The following MAP3K10 variants were observed in gnomAD, a reference collection of about 807,000 sequenced individuals.
The protein encoded by MAP3K10 is mitogen-activated protein kinase kinase kinase 10.
Under a neutral mutation model 75.0 loss-of-function variants are expected in MAP3K10, and 22 were observed. The ratio of observed to expected loss-of-function variants is 0.29; its 90% CI spans 0.21 to 0.42. The LOEUF is 0.42. Ranked by LOEUF, MAP3K10 falls within the 10% of genes least tolerant of loss-of-function variation. The pLI, the probability that MAP3K10 is intolerant of heterozygous loss-of-function variation, is 1.00. For missense variants in MAP3K10, 1,165 were observed against 1,379.8 expected (o/e 0.84, Z 2.47); for synonymous variants, 599 against 612.9 (o/e 0.98, Z 0.34).
Position 40,215,105 on chromosome 19 carries a change from G to A in MAP3K10, c.2678G>A (p.Arg893His), listed in dbSNP as rs1462440579. 6 of 1,609,308 alleles carry A rather than the reference G, an allele frequency of 3.7e-6. No individual in the cohort carries two copies. In the African/African-American group the frequency reaches 4.0e-5, roughly 11 times the overall value. The change falls in exon 10 of 10, where the codon CGC (arginine) becomes CAC (histidine). Residue 893 changes from arginine to histidine, a missense_variant. Physicochemically the swap from Arg to His is conservative, Grantham distance 29. Coordinates refer to ENST00000253055, the MANE Select transcript of MAP3K10 (RefSeq NM_002446.4). ...CCGAGACCTCGGCCGGCTGCCAGTC[G>A]CCCCCGCTTGGACCCCTGGAAACTG... ...FAPRPRPAAS[R>H]PRLDPWKLVS...
chr19:40,215,299 C>G lies in MAP3K10; in HGVS notation c.*7C>G. 6.5e-7 allele frequency: 1 copy of G among 1,536,250 alleles called. No individual in the cohort carries two copies. Among genetic ancestry groups the G allele is most frequent in the South Asian group, 1.2e-5 (1 of 83,394 alleles). On this transcript the variant is annotated 3_prime_UTR_variant, in exon 10 of 10. Coordinates refer to ENST00000253055, the MANE Select transcript of MAP3K10 (RefSeq NM_002446.4). ...GGCCCACGGCTCCCACTAAGGCCTG[C>G]CCACCACCGCCCGCCTGGGCAGCCA...
intron 1 of MAP3K10, among the ~76,000 whole-genome samples, chr19:40,195,047 A>G (rs1430523096): frequency 6.6e-6 from 1 of 152,200 alleles, no homozygotes; most frequent in African/African-American, 2.4e-5. Context: ...ACAGTGGGGC[A>G]CATGCCCTGA....
In MAP3K10 at chr19:40,198,398, A is replaced by G. The variant is rs901919875; in HGVS notation, c.706A>G (p.Asn236Asp). ...AGTCCTGATCCTGGAGGCCATCGAGAACCACAACCTCGCAGACACGGTGCT... is the reference window on the plus strand; with the variant it reads ...AGTCCTGATCCTGGAGGCCATCGAGGACCACAACCTCGCAGACACGGTGCT... ...INILILEAIE[N>D]HNLADTVLKI... is the part of the protein sequence containing the mutation. Residue 236 changes from asparagine to aspartate, a missense_variant, in exon 2 of 10, where the codon AAC becomes GAC. Asn to Asp is a conservative substitution (Grantham distance 23, BLOSUM62 1). Around this residue, in one of 2 missense-constraint regions of MAP3K10, gnomAD observed 575 missense variants for 793.2 expected, o/e 0.72. Coordinates refer to ENST00000253055, the MANE Select transcript of MAP3K10 (RefSeq NM_002446.4). The surrounding 1 kb of genome is among the most constrained non-coding windows in gnomAD (Gnocchi z 4.3). 4 of 1,613,734 alleles carry G rather than the reference A, an allele frequency of 2.5e-6. No individual in the cohort carries two copies. The highest frequency in any genetic ancestry group is 2.5e-6 in the Non-Finnish European group (3 of 1,179,880).
intron 9 of MAP3K10, 36 bp downstream of exon 9, chr19:40,214,257 C>G (rs781150414): frequency 2.2e-6 from 3 of 1,364,296 alleles, no homozygotes; most frequent in Admixed American, 3.8e-5. Flanking sequence ...TCACAGAAAA[C>G]CCCTTCTTTC....
chr19:40,192,147 G>C lies in MAP3K10; in HGVS notation c.116G>C (p.Arg39Thr). Residue 39 changes from arginine (R) to threonine (T), a missense_variant, in exon 1 of 10, where the codon AGG becomes ACG. Arg to Thr is a moderately conservative substitution (Grantham distance 71). Around this residue, in one of 2 missense-constraint regions of MAP3K10, gnomAD observed 575 missense variants for 793.2 expected, o/e 0.72. Transcript: ENST00000253055. The surrounding 1 kb of genome is among the most constrained non-coding windows in gnomAD (Gnocchi z 7.1). ...GGCGACGAGGAGCTGACCCTGCGGAGGGGCGATCGCGTCCAGGTGCTTTCC... is the reference window on the plus strand; with the variant it reads ...GGCGACGAGGAGCTGACCCTGCGGACGGGCGATCGCGTCCAGGTGCTTTCC... ...AAGDEELTLRRGDRVQVLSQD... is the reference protein window; with the variant it reads ...AAGDEELTLRTGDRVQVLSQD... 1.3e-6 allele frequency: 2 copies of C among 1,598,438 alleles called. 1 individual carries two copies. The highest frequency in any genetic ancestry group is 2.3e-5 in the South Asian group (2 of 88,782).
rs1365038332 is a variant in MAP3K10, at chr19:40,215,190, C to A, written c.2763C>A (p.Ser921Arg). The change falls in exon 10 of 10, where the codon AGC becomes AGA. Residue 921 changes from serine (S) to arginine (R), a missense_variant. By Grantham distance (110) the Ser-to-Arg change is moderately radical. Transcript: ENST00000253055. ...CCAGCAGGCCAGACACTCCGGAGAG[C>A]CCTGGGCCCCCCAGCGTGCAGCCCA... is the stretch of plus-strand genomic sequence containing the variant. ...SPPSRPDTPESPGPPSVQPTL... is the reference protein window; with the variant it reads ...SPPSRPDTPERPGPPSVQPTL... The A allele has an allele frequency of 6.3e-7, 1 of 1,589,702 alleles. No homozygotes were observed. The highest frequency in any genetic ancestry group is 1.8e-5 in the Admixed American group (1 of 56,852).
At position 40,215,090 on chromosome 19, in the gene MAP3K10, G is replaced by C; in HGVS notation, c.2663G>C (p.Arg888Pro). The C allele has an allele frequency of 6.2e-7, 1 of 1,608,646 alleles. No homozygotes were observed. The highest frequency in any genetic ancestry group is 8.5e-7 in the Non-Finnish European group (1 of 1,178,470). ...ACCCTGACCTTTGCCCCGAGACCTC[G>C]GCCGGCTGCCAGTCGCCCCCGCTTG... ...PTTLTFAPRP[R>P]PAASRPRLDP... The change falls in exon 10 of 10, where the codon CGG becomes CCG. Residue 888 changes from arginine to proline, a missense_variant. Physicochemically the swap from Arg to Pro is moderately radical, Grantham distance 103 (BLOSUM62 -2). Transcript: ENST00000253055.
At chr19:40,201,881 T>C (rs1488290079) in intron 2 of MAP3K10, among the ~76,000 whole-genome samples, 1 of 150,626 alleles carries the variant, frequency 6.6e-6, no homozygotes, top group African/African-American at 2.5e-5. Context: ...ACATGTGCCA[T>C]GGTAGTTTGC....
Position 40,192,316 on chromosome 19 carries a change from C to G in MAP3K10, c.285C>G (p.Phe95Leu), listed in dbSNP as rs1341869847. The change falls in exon 1 of 10, where the codon TTC becomes TTG. Residue 95 changes from phenylalanine (F) to leucine (L), a missense_variant. Physicochemically the swap from Phe to Leu is conservative, Grantham distance 22. This residue lies in a region of MAP3K10 where 575 missense variants were observed against 793.2 expected (regional missense o/e 0.72). Coordinates refer to ENST00000253055, the MANE Select transcript of MAP3K10 (RefSeq NM_002446.4). This position sits in a 1 kb window ranked among gnomAD's most constrained non-coding sequence, Gnocchi z 7.1. The part of the protein sequence containing the change: ...AGLQLPQEIP[F>L]HELQLEEIIG... ...TCCAGCTGCCCCAGGAGATCCCCTT[C>G]CACGAGCTGCAGCTAGAGGAGATCA... The G allele has an allele frequency of 3.1e-6, 5 of 1,607,908 alleles. No homozygotes were observed. The African/African-American group carries it at 5.3e-5, about 17-fold the overall frequency.
In MAP3K10 at chr19:40,212,713, G is replaced by C; in HGVS notation, c.1553-92G>C. The C allele has an allele frequency of 4.7e-6, 7 of 1,497,678 alleles. No homozygotes were observed. The highest frequency in any genetic ancestry group is 6.3e-6 in the Non-Finnish European group (7 of 1,112,092). 92.8% of individuals were successfully genotyped at this position (1,497,678 alleles called of 1,614,324 possible). Reference sequence around the variant, plus strand: ...CAAAAGAGCCCTTGGACTCCCAGGCGGAGGGTGGGCCTGAGCTGGGGGCAC... The same window carrying C: ...CAAAAGAGCCCTTGGACTCCCAGGCCGAGGGTGGGCCTGAGCTGGGGGCAC... On this transcript the variant is annotated intron_variant, in intron 6 of 9. Transcript: ENST00000253055. This position sits in a 1 kb window ranked among gnomAD's most constrained non-coding sequence, Gnocchi z 4.2.
chr19:40,212,825 GGCA>G lies in MAP3K10; in HGVS notation c.1581_1583del (p.Ser528del). On this transcript the variant is annotated inframe_deletion, in exon 7 of 10. Coordinates refer to ENST00000253055, the MANE Select transcript of MAP3K10 (RefSeq NM_002446.4). The surrounding 1 kb of genome is among the most constrained non-coding windows in gnomAD (Gnocchi z 4.2). ...CCCAGTGACTCCCGTGGACTGTGGT[GGCA>G]GCAGCAGTGGCAGCAGCAGTGGAGG... is the stretch of plus-strand genomic sequence containing the variant. The G allele has an allele frequency of 6.3e-7, 1 of 1,596,520 alleles. No individual in the cohort carries two copies. The highest frequency in any genetic ancestry group is 8.5e-7 in the Non-Finnish European group (1 of 1,172,118).
rs1973331167 is a variant in MAP3K10 at position 40,215,202 on chromosome 19, C to A, written c.2775C>A (p.Pro925=). ...ACACTCCGGAGAGCCCTGGGCCCCC[C>A]AGCGTGCAGCCCACACTGCTGGACA... The part of the protein sequence containing the change: ...RPDTPESPGP[P]SVQPTLLDMD... The change falls in exon 10 of 10, where the codon CCC becomes CCA. Residue 925 remains proline (P), a synonymous_variant. Transcript: ENST00000253055. The A allele has an allele frequency of 6.3e-7, 1 of 1,581,002 alleles. No homozygotes were observed. Among genetic ancestry groups the A allele is most frequent in the Admixed American group, 1.8e-5 (1 of 55,396 alleles).
In MAP3K10 at chr19:40,213,840, C is replaced by T. The variant is rs1488386512; in HGVS notation, c.2161C>T (p.Leu721Phe). ...FPRAGRFPRGLSPPARPHGRR... is the reference protein window; with the variant it reads ...FPRAGRFPRGFSPPARPHGRR... Reference sequence around the variant, plus strand: ...CCGCGCCGGCCGCTTCCCGCGGGGCCTCAGCCCACCCGCGCGTCCCCACGG... The same window carrying T: ...CCGCGCCGGCCGCTTCCCGCGGGGCTTCAGCCCACCCGCGCGTCCCCACGG... Residue 721 changes from leucine (L) to phenylalanine (F), a missense_variant, in exon 9 of 10, where the codon CTC becomes TTC. By Grantham distance (22) the Leu-to-Phe change is conservative. Coordinates refer to ENST00000253055, the MANE Select transcript of MAP3K10 (RefSeq NM_002446.4). This position sits in a 1 kb window ranked among gnomAD's most constrained non-coding sequence, Gnocchi z 5.7. 5.2e-6 allele frequency: 7 copies of T among 1,354,488 alleles called. No homozygotes were observed. The highest frequency in any genetic ancestry group is 1.6e-5 in the South Asian group (1 of 63,148). 83.9% of individuals were successfully genotyped at this position (1,354,488 alleles called of 1,614,324 possible).
rs1455727337 is a variant in MAP3K10, at chr19:40,198,450, G to A, written c.758G>A (p.Arg253His). The change falls in exon 2 of 10, where the codon CGC becomes CAC. Residue 253 changes from arginine to histidine, a missense_variant. Arg to His is a conservative substitution (Grantham distance 29). This residue lies in a region of MAP3K10 where 575 missense variants were observed against 793.2 expected (regional missense o/e 0.72). Transcript: ENST00000253055. This position sits in a 1 kb window ranked among gnomAD's most constrained non-coding sequence, Gnocchi z 4.3. ...VLKITDFGLAREWHKTTKMSA... is the reference protein window; with the variant it reads ...VLKITDFGLAHEWHKTTKMSA... Reference sequence around the variant, plus strand: ...AAGATCACGGACTTCGGCCTCGCCCGCGAGTGGCACAAGACCACCAAGATG... The same window carrying A: ...AAGATCACGGACTTCGGCCTCGCCCACGAGTGGCACAAGACCACCAAGATG... 1.2e-6 allele frequency: 2 copies of A among 1,614,138 alleles called. No individual in the cohort carries two copies. Among genetic ancestry groups the A allele is most frequent in the Non-Finnish European group, 8.5e-7 (1 of 1,180,032 alleles).
At chr19:40,207,473 C>T (rs1046123239) in intron 5 of MAP3K10, among the ~76,000 whole-genome samples, 4 of 152,124 alleles carry the variant, frequency 2.6e-5, no homozygotes, top group Non-Finnish European at 4.4e-5. Context: ...GGGTGGCTCA[C>T]GTCTGTAATC....
intron 1 of MAP3K10, among the ~76,000 whole-genome samples, chr19:40,194,357 CAAAAAA>C (rs200148561): frequency 7.1e-6 from 1 of 140,304 alleles, no homozygotes; most frequent in Non-Finnish European, 1.6e-5. Context: ...GATTCCATCG[CAAAAAA>C]AAAAAGCTAA....
At position 40,215,185 on chromosome 19, in the gene MAP3K10, GAGA is replaced by G; in HGVS notation, c.2759_2761del (p.Glu920_Ser921delinsGly). 1 of 1,594,356 alleles carries G rather than the reference GAGA, an allele frequency of 6.3e-7. No individual in the cohort carries two copies. ...GCCTCCCAGCAGGCCAGACACTCCG[GAGA>G]GCCCTGGGCCCCCCAGCGTGCAGCC... On this transcript the variant is annotated inframe_deletion, in exon 10 of 10. Coordinates refer to ENST00000253055, the MANE Select transcript of MAP3K10 (RefSeq NM_002446.4).
Position 40,213,233 on chromosome 19 carries a change from A to G in MAP3K10, c.1837+45A>G. On this transcript the variant is annotated intron_variant, in intron 8 of 9. Transcript: ENST00000253055. The surrounding 1 kb of genome is among the most constrained non-coding windows in gnomAD (Gnocchi z 5.7). Reference sequence around the variant, plus strand: ...TAAGGGGGTGGGGGTTCCCTGGCCAAAGGGGTGAGCCTCCTGGGGCTGAGC... The same window carrying G: ...TAAGGGGGTGGGGGTTCCCTGGCCAGAGGGGTGAGCCTCCTGGGGCTGAGC... 6.6e-7 allele frequency: 1 copy of G among 1,516,172 alleles called. No individual in the cohort carries two copies. The highest frequency in any genetic ancestry group is 8.9e-7 in the Non-Finnish European group (1 of 1,129,422). The allele number at this position is 1,516,172 out of a possible 1,614,324, so 93.9% of individuals were successfully genotyped here. A position where few individuals can be genotyped will look rare whatever the true frequency, so the allele number is the denominator to read the frequency against.
In MAP3K10 at chr19:40,204,674, G is replaced by C; in HGVS notation, c.1012+41G>C. 6.3e-7 allele frequency: 1 copy of C among 1,598,356 alleles called. No individual in the cohort carries two copies. The highest frequency in any genetic ancestry group is 8.5e-7 in the Non-Finnish European group (1 of 1,171,270). On this transcript the variant is annotated intron_variant, in intron 3 of 9. Transcript: ENST00000253055. This position sits in a 1 kb window ranked among gnomAD's most constrained non-coding sequence, Gnocchi z 4.3. ...GTGACGAGGGTAGGCTCAGCTTGGA[G>C]TGGCAGGGACCTGTGGGCCCAGACC...
Sources: gnomAD v4.1 joint callset for allele counts (sites outside exome capture counted in the v4.1 genomes callset) on GRCh38, gnomAD v4.1.1 for gene constraint, gnomAD v4.1.1 regional missense constraint, Gnocchi (gnomAD v3.1) non-coding constraint, MANE v1.5 for transcripts, NCBI Gene and HGNC (gene_info 2026-07-23, HGNC 2026-07-21) for gene names.